Variants in SVOPL observed in about 807,000 individuals in gnomAD.
The protein encoded by SVOPL is putative transporter SVOPL.
A neutral mutation model predicts 61.0 loss-of-function variants in SVOPL; 60 were observed. The observed-to-expected ratio is 0.98, with a 90% CI of 0.80 to 1.22. SVOPL has a LOEUF of 1.22. SVOPL is among the 50% of genes most tolerant of loss of function. The pLI, the probability that SVOPL is intolerant of heterozygous loss-of-function variation, is 0.00. For missense variants in SVOPL, 662 were observed against 643.9 expected, an observed-to-expected ratio of 1.03 and a Z score of -0.30; for synonymous variants, 279 against 250.0, an observed-to-expected ratio of 1.12 and a Z score of -1.09.
At position 138,652,843 on chromosome 7, in the gene SVOPL, C is replaced by T. The variant is rs934360988; in HGVS notation, c.534+3605G>A. Among the ~76,000 whole-genome samples, 18 of 152,110 alleles carry T rather than the reference C, an allele frequency of 1.2e-4. 1 individual carries two copies. The highest frequency in any genetic ancestry group is 3.6e-4 in the African/African-American group (15 of 41,408). ...GTTTCACCATGTTAGCCAGGCTGGT[C>T]GTGAACCCCTGACCTCAGGTGATCC... On this transcript the variant is annotated intron_variant, in intron 7 of 15. Transcript: ENST00000674285.
rs572303567 is a variant in SVOPL at position 138,630,115 on chromosome 7, C to T, written c.797G>A (p.Arg266Lys). ...ATCCAATAGGTCTGCAAATCTTCCT[C>T]TTTTTTCCTGGGGTAATGAAAAGGA... ...GKLVEPVLEKRGRFADLLDAK... is the reference protein window; with the variant it reads ...GKLVEPVLEKKGRFADLLDAK... Residue 266 changes from arginine (R) to lysine (K), a missense_variant, in exon 10 of 16, where the codon AGA becomes AAA. Transcript: ENST00000674285. 6.2e-7 allele frequency: 1 copy of T among 1,611,906 alleles called. No homozygotes were observed. Among genetic ancestry groups the T allele is most frequent in the Non-Finnish European group, 8.5e-7 (1 of 1,179,636 alleles).
chr7:138,597,331 G>C lies in SVOPL; in HGVS notation c.1354-801C>G, dbSNP rs1008013166. ...AATACAATTTCTTCCCTTTACAGAT[G>C]AGCCTAGACTAAGTGACTAGTCTCA... is the stretch of plus-strand genomic sequence containing the variant. On this transcript the variant is annotated intron_variant, in intron 14 of 15. Coordinates refer to ENST00000674285, the MANE Select transcript of SVOPL (RefSeq NM_001139456.2). The C allele has an allele frequency of 3.5e-6, 3 of 863,562 alleles. No homozygotes were observed. The African/African-American group carries it at 5.3e-5, about 15-fold the overall frequency. The allele number at this position is 863,562 out of a possible 1,614,324, so 53.5% of individuals were successfully genotyped here.
chr7:138,697,082 T>C (rs780041950), intron 1 of SVOPL, among the ~76,000 whole-genome samples: 8 of 152,108 alleles, frequency 5.3e-5, no homozygotes, highest in Non-Finnish European at 1.2e-4. Context: ...ATTTTAAAAC[T>C]GTTACAGGCT....
At chr7:138,623,086 C>T (rs1799741665) in intron 13 of SVOPL, among the ~76,000 whole-genome samples, 1 of 152,170 alleles carries the variant, frequency 6.6e-6, no homozygotes. Context: ...CAGGACACTG[C>T]TATATTTACA....
chr7:138,691,207 T>A (rs1802932162), intron 1 of SVOPL, among the ~76,000 whole-genome samples: 1 of 152,204 alleles, frequency 6.6e-6, no homozygotes, highest in Admixed American at 6.5e-5. Context: ...CCAAAAGGAA[T>A]CTGGCTTTTA....
At chr7:138,700,252 A>T (rs1324913054) in intron 1 of SVOPL, among the ~76,000 whole-genome samples, 1 of 151,258 alleles carries the variant, frequency 6.6e-6, no homozygotes, top group Non-Finnish European at 1.5e-5. Context: ...AACATTATTG[A>T]GAGATAGAGC....
chr7:138,656,558 A>G, intron 6 of SVOPL, 47 bp from the exon 7 acceptor site: 1 of 1,589,208 alleles, frequency 6.3e-7, no homozygotes, highest in South Asian at 1.1e-5. Context: ...AAAAAACTAA[A>G]TCATCTTTTA....
chr7:138,621,866 C>G (rs371034122), intron 13 of SVOPL, among the ~76,000 whole-genome samples: 2,634 of 38,166 alleles, frequency 0.069, 67 homozygotes, highest in African/African-American at 0.082. Context: ...ATCTATCTAT[C>G]TATCTATCTA....
chr7:138,599,887 CAAAA>C (rs11379417), intron 14 of SVOPL, among the ~76,000 whole-genome samples: 2 of 108,924 alleles, frequency 1.8e-5, no homozygotes, highest in Non-Finnish European at 1.9e-5. Context: ...GACTCCGTCT[CAAAA>C]AAAAAAAAAA....
At chr7:138,632,662 G>T (rs2116936137) in intron 9 of SVOPL, among the ~76,000 whole-genome samples, 1 of 151,450 alleles carries the variant, frequency 6.6e-6, no homozygotes, top group East Asian at 2.0e-4. Context: ...AGACAGGGGA[G>T]CCAGGGTGGA....
intron 8 of SVOPL, among the ~76,000 whole-genome samples, chr7:138,645,176 C>G (rs868356321): frequency 1.7e-4 from 26 of 152,186 alleles, no homozygotes; most frequent in African/African-American, 5.5e-4. Context: ...CTCTCCACCC[C>G]CTCCCCCTCT....
At chr7:138,676,277 G>A (rs748019749) in intron 3 of SVOPL, among the ~76,000 whole-genome samples, 13 of 152,224 alleles carry the variant, frequency 8.5e-5, no homozygotes, top group Non-Finnish European at 2.9e-5. Flanking sequence ...TAGGGTGTTT[G>A]TCTTAGTCCA....
At chr7:138,601,299 T>C (rs1048557928) in intron 14 of SVOPL, among the ~76,000 whole-genome samples, 3 of 149,206 alleles carry the variant, frequency 2.0e-5, no homozygotes. Context: ...TGTAAAGATA[T>C]CTGCACTCCT....
intron 4 of SVOPL, among the ~76,000 whole-genome samples, chr7:138,669,819 G>T (rs920586202): frequency 6.6e-6 from 1 of 152,098 alleles, no homozygotes; most frequent in African/African-American, 2.4e-5. Flanking sequence ...ATAAAATTTT[G>T]TATGCCTTTT....
chr7:138,607,196 T>C (rs1798797430), intron 14 of SVOPL, among the ~76,000 whole-genome samples: 1 of 152,054 alleles, frequency 6.6e-6, no homozygotes, highest in Non-Finnish European at 1.5e-5. Context: ...GCGAAAATGC[T>C]GGGGAGATAA....
rs77192275 is a variant in SVOPL at position 138,673,734 on chromosome 7, T to C, written c.175-1617A>G. ...AGAGCTAGATCCATATTCACCAAGA[T>C]GCCACTCCTCTAAAGAGTTCTAGAA... On this transcript the variant is annotated intron_variant, in intron 3 of 15. Transcript: ENST00000674285. Among the ~76,000 whole-genome samples, 5 of 152,350 alleles carry C rather than the reference T, an allele frequency of 3.3e-5. No individual in the cohort carries two copies. In the East Asian group the frequency reaches 5.8e-4, roughly 18 times the overall value.
chr7:138,698,050 G>A (rs1170171983), intron 1 of SVOPL, among the ~76,000 whole-genome samples: 2 of 151,574 alleles, frequency 1.3e-5, no homozygotes, highest in Non-Finnish European at 2.9e-5. Flanking sequence ...AGGAGAAGTT[G>A]GCAGGAATGG....
chr7:138,672,885 T>C (rs928094679), intron 3 of SVOPL, among the ~76,000 whole-genome samples: 4 of 130,694 alleles, frequency 3.1e-5, no homozygotes, highest in African/African-American at 6.0e-5. Context: ...CAATCCGTTA[T>C]AGGGATAAGT....
rs1802867425 is a variant in SVOPL at position 138,688,353 on chromosome 7, T to C, written c.-34-9274A>G. ...GGCATGTTCCTGGCTGACTGCAACCTTTGCCTCCTGGGTTCAAGTGATTCT... is the reference window on the plus strand; with the variant it reads ...GGCATGTTCCTGGCTGACTGCAACCCTTGCCTCCTGGGTTCAAGTGATTCT... On this transcript the variant is annotated intron_variant, in intron 1 of 15. Transcript: ENST00000674285. Among the ~76,000 whole-genome samples, 8 of 152,098 alleles carry C rather than the reference T, an allele frequency of 5.3e-5. 1 individual carries two copies. In the South Asian group the frequency reaches 1.7e-3, roughly 32 times the overall value.
Sources: allele counts gnomAD v4.1 joint callset (sites outside exome capture counted in the v4.1 genomes callset), GRCh38; gene constraint gnomAD v4.1.1; transcripts MANE v1.5; gene names NCBI Gene and HGNC (gene_info 2026-07-23, HGNC 2026-07-21).